ADAMTS5: variants seen among roughly 807,000 people sequenced by gnomAD.
The protein encoded by ADAMTS5 is A disintegrin and metalloproteinase with thrombospondin motifs 5.
ADAMTS5 carries 54 observed loss-of-function variants against 81.4 expected under a neutral mutation model. The ratio of observed to expected loss-of-function variants is 0.66; its 90% CI spans 0.53 to 0.83. ADAMTS5 has a LOEUF of 0.83. ADAMTS5 is among the 40% of genes least tolerant of loss of function. The pLI, the probability that ADAMTS5 is intolerant of heterozygous loss-of-function variation, is 0.00. For synonymous variants in ADAMTS5, 532 were observed against 508.8 expected (o/e 1.05, Z -0.61); for missense variants, 1,194 against 1,229.9 (o/e 0.97, Z 0.44).
intron 1 of ADAMTS5, among the ~76,000 whole-genome samples, chr21:26,957,166 C>G (rs571813121): frequency 7.2e-5 from 11 of 152,288 alleles, no homozygotes; most frequent in African/African-American, 2.4e-4. Context: ...TGAATTAAAA[C>G]TAATGTGCGT....
chr21:26,930,835 G>A (rs1207465010), intron 6 of ADAMTS5, among the ~76,000 whole-genome samples: 2 of 152,058 alleles, frequency 1.3e-5, no homozygotes, highest in Admixed American at 1.3e-4. Context: ...GTGAATGCGT[G>A]TGTGTGTGAG....
At chr21:26,925,913 C>T (rs367635087) in intron 7 of ADAMTS5, among the ~76,000 whole-genome samples, 1 of 152,148 alleles carries the variant, frequency 6.6e-6, no homozygotes, top group Non-Finnish European at 1.5e-5. Context: ...CTGTCTAACT[C>T]GATTCATTAT....
At chr21:26,941,483 G>C (rs1904325968) in intron 3 of ADAMTS5, among the ~76,000 whole-genome samples, 1 of 152,050 alleles carries the variant, frequency 6.6e-6, no homozygotes, top group African/African-American at 2.4e-5. Context: ...AATGCTGAAA[G>C]CATATTTACT....
intron 1 of ADAMTS5, among the ~76,000 whole-genome samples, chr21:26,955,425 C>T (rs893492111): frequency 5.3e-5 from 8 of 152,116 alleles, no homozygotes; most frequent in Admixed American, 1.3e-4. Context: ...GAAATCTGTA[C>T]CTTCTTACTC....
chr21:26,936,100 C>A (rs1301969571), intron 3 of ADAMTS5, among the ~76,000 whole-genome samples: 1 of 152,158 alleles, frequency 6.6e-6, no homozygotes, highest in African/African-American at 2.4e-5. Flanking sequence ...TCTTCTGATG[C>A]CATATGGCTT....
chr21:26,953,663 T>G (rs1987363718), intron 2 of ADAMTS5, among the ~76,000 whole-genome samples: 1 of 152,206 alleles, frequency 6.6e-6, no homozygotes, highest in African/African-American at 2.4e-5. Context: ...TCTTTTTTGC[T>G]ATAGATGGCA....
In ADAMTS5 at chr21:26,943,475, C is replaced by T. The variant is rs367992476; in HGVS notation, c.1310G>A (p.Arg437His). The change falls in exon 3 of 8, where the codon CGC (arginine) becomes CAC (histidine). Residue 437 changes from arginine (R) to histidine (H), a missense_variant. By Grantham distance (29) the Arg-to-His change is conservative. Transcript: ENST00000284987. ...GCTGGTAAGGATGGAAGACATTAAGCGCTTATCTTCTGTGGAACCAAAGGT... is the reference window on the plus strand; with the variant it reads ...GCTGGTAAGGATGGAAGACATTAAGTGCTTATCTTCTGTGGAACCAAAGGT... ...EETFGSTEDK[R>H]LMSSILTSID... 9.3e-6 allele frequency: 15 copies of T among 1,613,560 alleles called. No homozygotes were observed. The highest frequency in any genetic ancestry group is 6.7e-5 in the Admixed American group (4 of 59,956).
chr21:26,934,835 C>A, intron 3 of ADAMTS5, 86 bp from the exon 4 acceptor site: 1 of 1,537,256 alleles, frequency 6.5e-7, no homozygotes, highest in South Asian at 1.2e-5. Context: ...AATGCCCCGG[C>A]TGGTGTTGGA....
At chr21:26,955,293 G>A (rs576485606) in intron 1 of ADAMTS5, among the ~76,000 whole-genome samples, 9 of 152,266 alleles carry the variant, frequency 5.9e-5, no homozygotes, top group African/African-American at 1.9e-4. Flanking sequence ...GCAGCCAGAC[G>A]TCTGCAGCAG....
intron 1 of ADAMTS5, among the ~76,000 whole-genome samples, chr21:26,963,405 G>T (rs1987567495): frequency 6.6e-6 from 1 of 151,752 alleles, no homozygotes; most frequent in African/African-American, 2.4e-5. Flanking sequence ...CAGGAGGTAG[G>T]AAGTAACAGA....
chr21:26,938,989 C>G (rs1751252612), intron 3 of ADAMTS5, among the ~76,000 whole-genome samples: 1 of 152,162 alleles, frequency 6.6e-6, no homozygotes. Flanking sequence ...CCTAATCAAA[C>G]TCATCCGAAG....
chr21:26,937,771 AT>A (rs1259202042), intron 3 of ADAMTS5, among the ~76,000 whole-genome samples: 1 of 152,122 alleles, frequency 6.6e-6, no homozygotes, highest in Non-Finnish European at 1.5e-5. Flanking sequence ...CCTAGTGCTG[AT>A]TTTTTTCTTA....
rs1333602889 is a variant in ADAMTS5, at chr21:26,920,311, C to A, written c.*3742G>T. On this transcript the variant is annotated 3_prime_UTR_variant, in exon 8 of 8. Transcript: ENST00000284987. ...CAGACTGTGAAATCACAGAGGCAAGCTGATGTCATCAGAGGTGACTCTGCC... is the reference window on the plus strand; with the variant it reads ...CAGACTGTGAAATCACAGAGGCAAGATGATGTCATCAGAGGTGACTCTGCC... 1.3e-5 allele frequency: 2 copies of A among 152,100 alleles called. No individual in the cohort carries two copies. The highest frequency in any genetic ancestry group is 2.9e-5 in the Non-Finnish European group (2 of 67,990). The allele number at this position is 152,100 out of a possible 1,614,324, so 9.4% of individuals were successfully genotyped here. A position where few individuals can be genotyped will look rare whatever the true frequency, so the allele number is the denominator to read the frequency against.
At position 26,966,315 on chromosome 21, in the gene ADAMTS5, G is replaced by C. The variant is rs557144248; in HGVS notation, c.77C>G (p.Pro26Arg). 2.0e-6 allele frequency: 3 copies of C among 1,519,288 alleles called. No individual in the cohort carries two copies. Among genetic ancestry groups the C allele is most frequent in the South Asian group, 2.4e-5 (2 of 81,998 alleles). 94.1% of individuals were successfully genotyped at this position (1,519,288 alleles called of 1,614,324 possible). Residue 26 changes from proline (P) to arginine (R), a missense_variant, in exon 1 of 8, where the codon CCT becomes CGT. Transcript: ENST00000284987. Reference protein sequence around the residue: ...PLAAVGPAATPAQDKAGQPPT... With the variant: ...PLAAVGPAATRAQDKAGQPPT... ...AGGCTGCCCGGCTTTATCCTGGGCA[G>C]GTGTCGCGGCGGGGCCGACCGCGGC...
At position 26,965,803 on chromosome 21, in the gene ADAMTS5, C is replaced by T. The variant is rs1357202844; in HGVS notation, c.589G>A (p.Gly197Ser). The T allele has an allele frequency of 4.4e-6, 7 of 1,607,100 alleles. No homozygotes were observed. Among genetic ancestry groups the T allele is most frequent in the Admixed American group, 3.4e-5 (2 of 59,340 alleles). ...GGCGGCAGGGCCTCGAAGCTGAAGC[C>T]CTCGCGGGTGTAGACGTGCAGGATC... ...ARILHVYTRE[G>S]FSFEALPPRA... Residue 197 changes from glycine to serine, a missense_variant, in exon 1 of 8, where the codon GGC becomes AGC. Transcript: ENST00000284987.
Position 26,920,536 on chromosome 21 carries a change from G to A in ADAMTS5, c.*3517C>T, listed in dbSNP as rs916490802. ...ATTAATTTTAGGAGGTGTTTCTAAA[G>A]GAGAAACAGACAACATTTGGTTTTA... On this transcript the variant is annotated 3_prime_UTR_variant, in exon 8 of 8. Coordinates refer to ENST00000284987, the MANE Select transcript of ADAMTS5 (RefSeq NM_007038.5). 1 of 152,046 alleles carries A rather than the reference G, an allele frequency of 6.6e-6. No homozygotes were observed. The highest frequency in any genetic ancestry group is 2.4e-5 in the African/African-American group (1 of 41,402). 9.4% of individuals were successfully genotyped at this position (152,046 alleles called of 1,614,324 possible). A position where few individuals can be genotyped will look rare whatever the true frequency, so the allele number is the denominator to read the frequency against.
chr21:26,957,977 GA>G (rs1228981739), intron 1 of ADAMTS5, among the ~76,000 whole-genome samples: 2 of 152,188 alleles, frequency 1.3e-5, no homozygotes, highest in African/African-American at 4.8e-5. Context: ...TTGGGGATGG[GA>G]TGGGGGACAG....
intron 3 of ADAMTS5, among the ~76,000 whole-genome samples, chr21:26,935,302 A>C (rs1263527138): frequency 1.3e-5 from 2 of 151,984 alleles, no homozygotes; most frequent in African/African-American, 2.4e-5. Context: ...TCTTACAGTC[A>C]CTCGACAAGC....
At chr21:26,957,394 C>T (rs1339159375) in intron 1 of ADAMTS5, among the ~76,000 whole-genome samples, 2 of 151,914 alleles carry the variant, frequency 1.3e-5, no homozygotes, top group Admixed American at 6.6e-5. Flanking sequence ...TGTATACACA[C>T]ACATATATGT....
Sources: gnomAD v4.1 joint callset for allele counts (sites outside exome capture counted in the v4.1 genomes callset) on GRCh38, gnomAD v4.1.1 for gene constraint, MANE v1.5 for transcripts, NCBI Gene and HGNC (gene_info 2026-07-23, HGNC 2026-07-21) for gene names.